The following IPO5 variants were observed in gnomAD, a reference collection of about 807,000 sequenced individuals.
IPO5 encodes importin-5.
IPO5 carries 18 observed loss-of-function variants against 143.3 expected under a neutral mutation model. That is an observed-to-expected ratio of 0.13 (90% CI 0.09 to 0.19). The LOEUF is 0.19. Among genes scored for constraint, IPO5 ranks in the 10% least tolerant of loss-of-function variants. The pLI, the probability that IPO5 is intolerant of heterozygous loss-of-function variation, is 1.00. For synonymous variants in IPO5, 477 were observed against 465.7 expected, an observed-to-expected ratio of 1.02 and a Z score of -0.31; for missense variants, 1,013 against 1,336.9, an observed-to-expected ratio of 0.76 and a Z score of 3.78.
At chr13:97,985,285 A>G (rs1195029003) in intron 5 of IPO5, 136 bp from the exon 6 acceptor site, 15 of 672,054 alleles carry the variant, frequency 2.2e-5, no homozygotes, top group Non-Finnish European at 3.2e-5. Flanking sequence ...AGTCTGTATA[A>G]TAGACTAATG....
At chr13:98,018,776 C>T (rs1890285458) in intron 26 of IPO5, 72 bp downstream of exon 26, 2 of 1,090,612 alleles carry the variant, frequency 1.8e-6, no homozygotes, top group Admixed American at 2.0e-5. Flanking sequence ...CTCTCTTTAC[C>T]ACACTCCCAA....
At chr13:98,015,378 G>T in intron 22 of IPO5, 152 bp from the exon 23 acceptor site, 2 of 595,950 alleles carry the variant, frequency 3.4e-6, no homozygotes, top group Non-Finnish European at 6.0e-6. Flanking sequence ...CTAAAATGCT[G>T]TCATTCTAAC....
intron 28 of IPO5, 74 bp downstream of exon 28, chr13:98,021,207 C>G: frequency 7.6e-7 from 1 of 1,323,016 alleles, no homozygotes; most frequent in Non-Finnish European, 1.0e-6. Flanking sequence ...TGAGAAGAAA[C>G]TAGAAATCTA....
At chr13:98,021,155 G>A in intron 28 of IPO5, 22 bp downstream of exon 28, 1 of 1,572,372 alleles carries the variant, frequency 6.4e-7, no homozygotes, top group Non-Finnish European at 8.6e-7. Flanking sequence ...TGGTTGAATT[G>A]GGGAGGGGGA....
At chr13:97,980,035 C>T (rs1001633838) in intron 4 of IPO5, 3 of 443,536 alleles carry the variant, frequency 6.8e-6, no homozygotes, top group Non-Finnish European at 9.0e-6. Flanking sequence ...GAAGTCTTTG[C>T]ATTGTGTAAA....
chr13:97,996,480 A>G (rs773483975), intron 11 of IPO5, among the ~76,000 whole-genome samples: 3 of 152,178 alleles, frequency 2.0e-5, no homozygotes, highest in Non-Finnish European at 4.4e-5. Context: ...AAGATGTGGA[A>G]CTGAGAGGAC....
Position 98,012,315 on chromosome 13 carries a change from C to T in IPO5, c.2125C>T (p.Pro709Ser). 5.6e-6 allele frequency: 9 copies of T among 1,608,630 alleles called. 1 individual carries two copies. Among genetic ancestry groups the T allele is most frequent in the South Asian group, 3.3e-5 (3 of 90,954 alleles). The change falls in exon 21 of 29, where the codon CCT (proline) becomes TCT (serine). Residue 709 changes from proline to serine, a missense_variant. Around this residue, in one of 2 missense-constraint regions of IPO5, gnomAD observed 685 missense variants for 994.9 expected, o/e 0.69. Transcript: ENST00000651721. ...CGAACAGGTTGTCAAACTGATGGTC[C>T]CTTTACTGAAATTTTATTTCCACGA... ...YTEQVVKLMV[P>S]LLKFYFHDGV...
chr13:97,967,681 G>A (rs1479797626), intron 2 of IPO5, among the ~76,000 whole-genome samples: 1 of 152,112 alleles, frequency 6.6e-6, no homozygotes. Flanking sequence ...GCCCAGGCTG[G>A]AGTGCAGTGG....
At position 98,002,732 on chromosome 13, in the gene IPO5, A is replaced by G. The variant is rs1888909914; in HGVS notation, c.1282A>G (p.Thr428Ala). 1 of 1,612,626 alleles carries G rather than the reference A, an allele frequency of 6.2e-7. No homozygotes were observed. The highest frequency in any genetic ancestry group is 8.5e-7 in the Non-Finnish European group (1 of 1,179,440). Residue 428 changes from threonine (T) to alanine (A), a missense_variant, in exon 15 of 29, where the codon ACA becomes GCA. Coordinates refer to ENST00000651721, the MANE Select transcript of IPO5 (RefSeq NM_002271.6). ...CTGTAATGCCGTGGGACAGATGGCT[A>G]CAGATTTTGCACCTGGTTTCCAAAA... The part of the protein sequence containing the change: ...AACNAVGQMA[T>A]DFAPGFQKKF...
chr13:97,999,808 T>G (rs530416205), intron 12 of IPO5, among the ~76,000 whole-genome samples: 67 of 152,320 alleles, frequency 4.4e-4, no homozygotes, highest in South Asian at 1.2e-3. Context: ...TGGGGAAGAT[T>G]ATACATTCTC....
chr13:98,021,230 AT>A, intron 28 of IPO5, 97 bp downstream of exon 28: 1 of 1,118,050 alleles, frequency 8.9e-7, no homozygotes, highest in Non-Finnish European at 1.3e-6. Flanking sequence ...GAGCTAAGGA[AT>A]TTTATTTTTA....
Position 98,001,096 on chromosome 13 carries a change from A to T in IPO5, c.1108+451A>T, listed in dbSNP as rs145984513. On this transcript the variant is annotated intron_variant, in intron 13 of 28. Coordinates refer to ENST00000651721, the MANE Select transcript of IPO5 (RefSeq NM_002271.6). ...GCCATGTTGCCCAGGCTGGTCTCAA[A>T]CTCCTGGCCTCAAGCAGTCCTCCTG... is the stretch of plus-strand genomic sequence containing the variant. Among the ~76,000 whole-genome samples the T allele has an allele frequency of 2.8e-4, 42 of 151,776 alleles. 1 individual carries two copies. The East Asian group carries it at 8.0e-3, about 29-fold the overall frequency.
At chr13:98,006,512 C>A (rs747784367) in intron 17 of IPO5, among the ~76,000 whole-genome samples, 164 bp downstream of exon 17, 63 of 150,814 alleles carry the variant, frequency 4.2e-4, no homozygotes, top group Admixed American at 1.3e-3. Context: ...GTAGCTGGGA[C>A]TACAGACGCC....
chr13:98,011,303 C>A (rs1242105248), intron 20 of IPO5, among the ~76,000 whole-genome samples: 2 of 151,486 alleles, frequency 1.3e-5, no homozygotes, highest in Non-Finnish European at 2.9e-5. Context: ...GTTTGTTTTG[C>A]TTTTTGAAAC....
chr13:98,009,819 C>G, intron 18 of IPO5, 62 bp from the exon 19 acceptor site: 1 of 1,248,802 alleles, frequency 8.0e-7, no homozygotes, highest in Non-Finnish European at 1.1e-6. Flanking sequence ...AAGGAAATGG[C>G]TTTCTTTATC....
chr13:98,019,796 G>T lies in IPO5; in HGVS notation c.3052G>T (p.Asp1018Tyr). 1.2e-6 allele frequency: 2 copies of T among 1,608,760 alleles called. No homozygotes were observed. The highest frequency in any genetic ancestry group is 2.2e-5 in the South Asian group (2 of 90,892). Residue 1018 changes from aspartate to tyrosine, a missense_variant, in exon 27 of 29, where the codon GAC becomes TAC. This residue lies in a region of IPO5 where 685 missense variants were observed against 994.9 expected (regional missense o/e 0.69). Transcript: ENST00000651721. ...TGTTCAGACTTTCAATTATCTGTGTGACCTGATTGAAAGGTAGGAAAGCAG... is the reference window on the plus strand; with the variant it reads ...TGTTCAGACTTTCAATTATCTGTGTTACCTGATTGAAAGGTAGGAAAGCAG... ...EAVQTFNYLC[D>Y]LIESNHPIVL...
chr13:97,992,728 C>T (rs1887905871), intron 9 of IPO5, among the ~76,000 whole-genome samples, 164 bp from the exon 10 acceptor site: 1 of 152,226 alleles, frequency 6.6e-6, no homozygotes, highest in African/African-American at 2.4e-5. Flanking sequence ...GGAAGGTATA[C>T]ATGTGCCTGC....
rs755387376 is a variant in IPO5, at chr13:97,992,960, T to G, written c.738T>G (p.Thr246=). The G allele has an allele frequency of 7.4e-6, 12 of 1,613,840 alleles. No individual in the cohort carries two copies. In the Admixed American group the frequency reaches 1.0e-4, roughly 13 times the overall value. Residue 246 remains threonine (T), a synonymous_variant, in exon 10 of 29, where the codon ACT becomes ACG. Transcript: ENST00000651721. ...AATCCCTCGTTGAGATTGCAGATAC[T>G]GTTCCAAAGTATTTGCGTCCTCACT... The part of the protein sequence containing the change: ...VLKSLVEIAD[T]VPKYLRPHLE...
In IPO5 at chr13:98,010,780, C is replaced by CGTTTTTTTTTTTTTTTTTTTTTTT. The variant is rs1889639079; in HGVS notation, c.2055+556_2055+557insGTTTTTTTTTTTTTTTTTTTTTTT. Among the ~76,000 whole-genome samples, 9 of 70,026 alleles carry CGTTTTTTTTTTTTTTTTTTTTTTT rather than the reference C, an allele frequency of 1.3e-4. 1 individual carries two copies. The highest frequency in any genetic ancestry group is 8.5e-4 in the African/African-American group (9 of 10,536). 45.9% of individuals were successfully genotyped at this position (70,026 alleles called of 152,430 possible). ...ATGCGTTTTAAAGTGAAGGATAATCCTTTTTTTTTTTTTTTTTTGAGGTGG... is the reference window on the plus strand; with the variant it reads ...ATGCGTTTTAAAGTGAAGGATAATCCGTTTTTTTTTTTTTTTTTTTTTTTTTTTTTTTTTTTTTTTTTGAGGTGG... On this transcript the variant is annotated intron_variant, in intron 20 of 28. Transcript: ENST00000651721.
Sources: gnomAD v4.1 joint callset for allele counts (sites outside exome capture counted in the v4.1 genomes callset) on GRCh38, gnomAD v4.1.1 for gene constraint, gnomAD v4.1.1 regional missense constraint, MANE v1.5 for transcripts, NCBI Gene and HGNC (gene_info 2026-07-23, HGNC 2026-07-21) for gene names.